AGMO: variants seen among roughly 807,000 people sequenced by gnomAD.
AGMO encodes the protein alkylglycerol monooxygenase.
A neutral mutation model predicts 60.2 loss-of-function variants in AGMO; 75 were observed. That is an observed-to-expected ratio of 1.25 (90% CI 1.03 to 1.51). AGMO has a LOEUF of 1.51. Among genes scored for constraint, AGMO ranks in the 40% most tolerant of loss-of-function variants. The pLI is 0.00. For missense variants in AGMO, 763 were observed against 525.5 expected, an observed-to-expected ratio of 1.45 and a Z score of -4.42; for synonymous variants, 261 against 177.1, an observed-to-expected ratio of 1.47 and a Z score of -3.76.
chr7:15,453,290 A>C (rs1781902841), intron 3 of AGMO, among the ~76,000 whole-genome samples: 1 of 152,188 alleles, frequency 6.6e-6, no homozygotes, highest in Admixed American at 6.5e-5. Context: ...GGGAAAAAAG[A>C]AGCTTTTATA....
intron 10 of AGMO, among the ~76,000 whole-genome samples, chr7:15,366,736 C>T (rs1180445291): frequency 6.6e-6 from 1 of 152,008 alleles, no homozygotes; most frequent in African/African-American, 2.4e-5. Context: ...CTCATATATA[C>T]ATGTCAAAAG....
intron 12 of AGMO, among the ~76,000 whole-genome samples, chr7:15,332,652 A>T (rs1781534389): frequency 6.6e-6 from 1 of 152,170 alleles, no homozygotes; most frequent in Non-Finnish European, 1.5e-5. Context: ...TATTCTAAGA[A>T]TAATTAATAT....
chr7:15,368,102 T>C (rs1783055019), intron 10 of AGMO, among the ~76,000 whole-genome samples: 1 of 151,748 alleles, frequency 6.6e-6, no homozygotes, highest in African/African-American at 2.4e-5. Flanking sequence ...TATTGCTGAG[T>C]GGTCAAAAAT....
At chr7:15,404,401 A>G (rs1432830574) in intron 5 of AGMO, among the ~76,000 whole-genome samples, 2 of 151,898 alleles carry the variant, frequency 1.3e-5, no homozygotes, top group African/African-American at 4.8e-5. Flanking sequence ...TTCTACTTGG[A>G]AAAATGAACA....
chr7:15,532,921 G>A (rs976239606), intron 3 of AGMO, among the ~76,000 whole-genome samples: 1 of 152,104 alleles, frequency 6.6e-6, no homozygotes, highest in African/African-American at 2.4e-5. Flanking sequence ...AGCCCAAGAA[G>A]TGGAGGTTGC....
chr7:15,185,132 T>C, the AGMO span, among the ~76,000 whole-genome samples: 5 of 152,188 alleles, frequency 3.3e-5, no homozygotes, highest in Non-Finnish European at 7.4e-5. Context: ...AGTTTTTTTA[T>C]ATTCACATTC....
rs573834416 is a variant in AGMO at position 15,477,560 on chromosome 7, C to T, written c.410-46452G>A. On this transcript the variant is annotated intron_variant, in intron 3 of 12. Transcript: ENST00000342526. ...GTTTGCATACATTGAATGAAAAATT[C>T]GGCAATTCTTGTGGGCTACCAAATA... 3.2e-4 allele frequency among the ~76,000 whole-genome samples: 49 copies of T among 152,164 alleles called. 1 individual carries two copies. Among genetic ancestry groups the T allele is most frequent in the Non-Finnish European group, 8.8e-5 (6 of 67,980 alleles).
chr7:15,333,825 T>C (rs1262052953), intron 12 of AGMO, among the ~76,000 whole-genome samples: 1 of 152,082 alleles, frequency 6.6e-6, no homozygotes, highest in Non-Finnish European at 1.5e-5. Flanking sequence ...ATAATTGTAG[T>C]TTGGTATTTA....
At chr7:15,257,226 G>A (rs1019256367) in intron 12 of AGMO, among the ~76,000 whole-genome samples, 1 of 152,038 alleles carries the variant, frequency 6.6e-6, no homozygotes, top group Non-Finnish European at 1.5e-5. Flanking sequence ...AACAAATATG[G>A]AATAAGTGGC....
chr7:15,190,190 T>TCAGA, the AGMO span, among the ~76,000 whole-genome samples: 1 of 2,392 alleles, frequency 4.2e-4, no homozygotes, highest in African/African-American at 1.6e-3. Context: ...TATTTATATA[T>TCAGA]ATATATATAT....
intron 12 of AGMO, among the ~76,000 whole-genome samples, chr7:15,352,641 G>A (rs1421333296): frequency 1.3e-5 from 2 of 151,804 alleles, no homozygotes; most frequent in Admixed American, 6.6e-5. Context: ...TTGAGTTGAT[G>A]GTAGGGAAAC....
intron 3 of AGMO, among the ~76,000 whole-genome samples, chr7:15,464,357 A>T (rs1782223309): frequency 6.6e-6 from 1 of 152,204 alleles, no homozygotes; most frequent in Admixed American, 6.6e-5. Context: ...TAACTTACAG[A>T]TTAAAACATA....
chr7:15,195,974 T>G, downstream of AGMO, among the ~76,000 whole-genome samples: 1 of 151,996 alleles, frequency 6.6e-6, no homozygotes, highest in Non-Finnish European at 1.5e-5. Context: ...GCTTACATAG[T>G]ATTTACATTT....
intron 12 of AGMO, among the ~76,000 whole-genome samples, chr7:15,281,443 C>A (rs1272576753): frequency 6.6e-6 from 1 of 152,120 alleles, no homozygotes; most frequent in African/African-American, 2.4e-5. Context: ...AGTACAGTCA[C>A]AATTCCTCTC....
intron 12 of AGMO, among the ~76,000 whole-genome samples, chr7:15,311,897 CAG>C (rs1205902742): frequency 1.3e-5 from 2 of 152,028 alleles, no homozygotes; most frequent in Non-Finnish European, 2.9e-5. Flanking sequence ...TTTAAGAAGA[CAG>C]AGATGCTAGT....
intron 12 of AGMO, among the ~76,000 whole-genome samples, chr7:15,241,701 A>C (rs1782595698): frequency 6.9e-6 from 1 of 145,676 alleles, no homozygotes; most frequent in Non-Finnish European, 1.6e-5. Flanking sequence ...CTGTGTAACA[A>C]AATACTAAAA....
At chr7:15,425,101 A>G (rs969416991) in intron 4 of AGMO, among the ~76,000 whole-genome samples, 2 of 152,196 alleles carry the variant, frequency 1.3e-5, no homozygotes, top group African/African-American at 4.8e-5. Context: ...CATAAATTAA[A>G]GTGATCTTCA....
At chr7:15,269,041 G>A (rs1783518489) in intron 12 of AGMO, among the ~76,000 whole-genome samples, 1 of 152,060 alleles carries the variant, frequency 6.6e-6, no homozygotes, top group South Asian at 2.1e-4. Context: ...TAAAGGAACA[G>A]ATAATAAAGA....
chr7:15,163,087 G>T, the AGMO span, among the ~76,000 whole-genome samples: 1 of 152,070 alleles, frequency 6.6e-6, no homozygotes, highest in South Asian at 2.1e-4. Flanking sequence ...GGGGCTTATT[G>T]TAATTGAAAT....
Sources: gnomAD v4.1 joint callset for allele counts (sites outside exome capture counted in the v4.1 genomes callset) on GRCh38, gnomAD v4.1.1 for gene constraint, MANE v1.5 for transcripts, NCBI Gene and HGNC (gene_info 2026-07-23, HGNC 2026-07-21) for gene names.